Variants in SLCO3A1 observed in about 807,000 individuals in gnomAD.
The protein encoded by SLCO3A1 is PGE1 transporter.
Under a neutral mutation model 63.1 loss-of-function variants are expected in SLCO3A1, and 27 were observed. That is an observed-to-expected ratio of 0.43 (90% CI 0.32 to 0.59). SLCO3A1 has a LOEUF of 0.59. Among genes scored for constraint, SLCO3A1 ranks in the 20% least tolerant of loss-of-function variants. The pLI is 0.09. For missense variants in SLCO3A1, 773 were observed against 945.8 expected, an observed-to-expected ratio of 0.82 and a Z score of 2.40; for synonymous variants, 473 against 409.9, an observed-to-expected ratio of 1.15 and a Z score of -1.86.
chr15:92,047,019 A>T (rs1242251226), intron 2 of SLCO3A1, among the ~76,000 whole-genome samples: 1 of 64,328 alleles, frequency 1.6e-5, no homozygotes, highest in Non-Finnish European at 3.0e-5. Flanking sequence ...ATATATATAT[A>T]ATATATAAAT....
At chr15:91,857,059 TGTGTGTGTGTGA>T (rs1309638865) in intron 1 of SLCO3A1, among the ~76,000 whole-genome samples, 5 of 137,126 alleles carry the variant, frequency 3.6e-5, no homozygotes, top group African/African-American at 1.4e-4. Context: ...TGTGTGTGTG[TGTGTGTGTGTGA>T]GAGAGAGAGA....
chr15:92,168,850 T>C (rs536039671), downstream of SLCO3A1, among the ~76,000 whole-genome samples: 14 of 152,364 alleles, frequency 9.2e-5, no homozygotes, highest in African/African-American at 3.1e-4. Flanking sequence ...TACATTCCCA[T>C]ATAGCTGTGA....
intron 2 of SLCO3A1, among the ~76,000 whole-genome samples, chr15:92,039,475 A>G (rs943064599): frequency 6.6e-6 from 1 of 152,258 alleles, no homozygotes; most frequent in Non-Finnish European, 1.5e-5. Context: ...GAAAAGCTCC[A>G]TATCACTGAT....
intron 2 of SLCO3A1, among the ~76,000 whole-genome samples, chr15:91,970,135 T>A (rs1006368240): frequency 2.6e-5 from 4 of 152,226 alleles, no homozygotes; most frequent in Admixed American, 6.5e-5. Context: ...AAAAGAGGCA[T>A]TGAAATACAG....
intron 1 of SLCO3A1, among the ~76,000 whole-genome samples, chr15:91,907,127 A>G (rs1898330826): frequency 6.6e-6 from 1 of 152,234 alleles, no homozygotes; most frequent in Non-Finnish European, 1.5e-5. Flanking sequence ...AGCCTGAGGA[A>G]GGTGCAAATA....
At position 91,885,683 on chromosome 15, in the gene SLCO3A1, A is replaced by C. The variant is rs1897705486; in HGVS notation, c.181-30310A>C. 6.6e-6 allele frequency among the ~76,000 whole-genome samples: 1 copy of C among 152,194 alleles called. No individual in the cohort carries two copies. Among genetic ancestry groups the C allele is most frequent in the Non-Finnish European group, 1.5e-5 (1 of 68,044 alleles). ...GATTTCATTCACAGTAGACAGTTTT[A>C]GGTAGATCCCTGCTGTGAGCAGACA... On this transcript the variant is annotated intron_variant, in intron 1 of 9. Coordinates refer to ENST00000318445, the MANE Select transcript of SLCO3A1 (RefSeq NM_013272.4). This position sits in a 1 kb window ranked among gnomAD's most constrained non-coding sequence, Gnocchi z 4.7.
At chr15:91,946,135 G>A (rs138031912) in intron 2 of SLCO3A1, among the ~76,000 whole-genome samples, 2 of 152,310 alleles carry the variant, frequency 1.3e-5, no homozygotes, top group African/African-American at 4.8e-5. Flanking sequence ...TGTGTCCCCA[G>A]GTCACCTTGG....
At position 92,080,948 on chromosome 15, in the gene SLCO3A1, G is replaced by A. The variant is rs927244096; in HGVS notation, c.647-13933G>A. On this transcript the variant is annotated intron_variant, in intron 2 of 9. Coordinates refer to ENST00000318445, the MANE Select transcript of SLCO3A1 (RefSeq NM_013272.4). ...ATGGATACATAGTAGCTGTGTGTGT[G>A]TGTGTGTGTGTGTGTGTGTGTGTGT... Among the ~76,000 whole-genome samples the A allele has an allele frequency of 8.7e-3, 933 of 107,012 alleles. 23 individuals carry two copies. The highest frequency in any genetic ancestry group is 0.024 in the African/African-American group (796 of 32,644). The allele number at this position is 107,012 out of a possible 152,430, so 70.2% of individuals were successfully genotyped here.
At chr15:92,005,760 G>A (rs1383891578) in intron 2 of SLCO3A1, among the ~76,000 whole-genome samples, 1 of 152,148 alleles carries the variant, frequency 6.6e-6, no homozygotes, top group Admixed American at 6.5e-5. Flanking sequence ...ATTTCTTGAT[G>A]TTATGCACTG....
intron 2 of SLCO3A1, among the ~76,000 whole-genome samples, chr15:92,041,105 C>T (rs1328188599): frequency 6.6e-6 from 1 of 152,100 alleles, no homozygotes; most frequent in Admixed American, 6.5e-5. Context: ...AGTGTCTAGT[C>T]TACAGGAAGC....
intron 2 of SLCO3A1, among the ~76,000 whole-genome samples, chr15:92,054,405 G>A (rs1359874101): frequency 6.6e-6 from 1 of 152,194 alleles, no homozygotes; most frequent in African/African-American, 2.4e-5. Flanking sequence ...AGCAAAAAAT[G>A]ATCCCAAGTC....
intron 2 of SLCO3A1, among the ~76,000 whole-genome samples, chr15:91,964,225 C>A (rs1467093183): frequency 6.6e-6 from 1 of 152,076 alleles, no homozygotes; most frequent in Non-Finnish European, 1.5e-5. Context: ...CTGGAATGTT[C>A]CATTAATCAC....
At chr15:92,009,023 A>T (rs1436656258) in intron 2 of SLCO3A1, among the ~76,000 whole-genome samples, 1 of 152,142 alleles carries the variant, frequency 6.6e-6, no homozygotes, top group African/African-American at 2.4e-5. Context: ...AAAATATATT[A>T]CTTCTGACAT....
chr15:91,880,403 C>CTGTGTGTGTG lies in SLCO3A1; in HGVS notation c.180+26316_180+26317insGTGTGTGTGT, dbSNP rs1324272484. On this transcript the variant is annotated intron_variant, in intron 1 of 9. Coordinates refer to ENST00000318445, the MANE Select transcript of SLCO3A1 (RefSeq NM_013272.4). ...TGCTTCTCTCTCTCTCTCTCTCTCT[C>CTGTGTGTGTG]TCTCTCTGTGTGTGTGTGTGTGTAG... 4.6e-4 allele frequency among the ~76,000 whole-genome samples: 64 copies of CTGTGTGTGTG among 140,654 alleles called. No individual in the cohort carries two copies. In the East Asian group the frequency reaches 6.0e-3, roughly 13 times the overall value. The allele number at this position is 140,654 out of a possible 152,430, so 92.3% of individuals were successfully genotyped here. A position where few individuals can be genotyped will look rare whatever the true frequency, so the allele number is the denominator to read the frequency against.
chr15:91,870,915 T>G (rs1897265446), intron 1 of SLCO3A1, among the ~76,000 whole-genome samples: 1 of 152,062 alleles, frequency 6.6e-6, no homozygotes, highest in Admixed American at 6.5e-5. Flanking sequence ...GGGTTCTTGA[T>G]GTATTGAACT....
chr15:92,134,172 A>AT (rs2048028985), intron 7 of SLCO3A1, among the ~76,000 whole-genome samples: 1 of 152,160 alleles, frequency 6.6e-6, no homozygotes, highest in African/African-American at 2.4e-5. Context: ...CACCTGAGCC[A>AT]TTTTTTAAGT....
chr15:92,124,149 A>C (rs1435432708), intron 5 of SLCO3A1, among the ~76,000 whole-genome samples: 1 of 152,222 alleles, frequency 6.6e-6, no homozygotes, highest in African/African-American at 2.4e-5. Flanking sequence ...CCCCTTGCAA[A>C]GTCATCAGCA....
intron 8 of SLCO3A1, among the ~76,000 whole-genome samples, chr15:92,147,943 A>G (rs1269017578): frequency 6.6e-6 from 1 of 152,214 alleles, no homozygotes; most frequent in Non-Finnish European, 1.5e-5. Context: ...TCAGCTGGGC[A>G]TGGTGGCTCA....
chr15:91,988,254 G>A (rs147827087), intron 2 of SLCO3A1, among the ~76,000 whole-genome samples: 5 of 151,928 alleles, frequency 3.3e-5, no homozygotes, highest in East Asian at 3.9e-4. Flanking sequence ...AAAATAAGCC[G>A]GGCATGGTGG....
Sources: gnomAD v4.1 joint callset for allele counts (sites outside exome capture counted in the v4.1 genomes callset) on GRCh38, gnomAD v4.1.1 for gene constraint, Gnocchi (gnomAD v3.1) non-coding constraint, MANE v1.5 for transcripts, NCBI Gene and HGNC (gene_info 2026-07-23, HGNC 2026-07-21) for gene names.